The following PARVB variants were observed in gnomAD, a reference collection of about 807,000 sequenced individuals.
PARVB encodes the protein parvin beta, also known as beta-parvin.
Under a neutral mutation model 47.0 loss-of-function variants are expected in PARVB, and 46 were observed. The observed-to-expected ratio is 0.98, with a 90% CI of 0.77 to 1.25. The LOEUF (loss-of-function observed/expected upper bound fraction) is 1.25, where lower values mean the gene tolerates loss of function less well. Ranked by LOEUF, PARVB falls within the 50% of genes most tolerant of loss-of-function variation. The pLI, the probability that PARVB is intolerant of heterozygous loss-of-function variation, is 0.00. For synonymous variants in PARVB, 196 were observed against 196.3 expected (o/e 1.00, Z 0.01); for missense variants, 473 against 471.6 (o/e 1.00, Z -0.03).
chr22:44,087,846 G>GTTTTTTTTTTTTTTTTTTTTTT (rs57893038), intron 1 of PARVB, among the ~76,000 whole-genome samples: 19 of 121,274 alleles, frequency 1.6e-4, no homozygotes, highest in Non-Finnish European at 2.0e-4. Flanking sequence ...GAACGATGGT[G>GTTTTTTTTTTTTTTTTTTTTTT]TTTTTTTTTT....
intron 2 of PARVB, among the ~76,000 whole-genome samples, chr22:44,008,739 G>A (rs565989534): frequency 7.7e-4 from 117 of 151,976 alleles, no homozygotes; most frequent in African/African-American, 2.8e-3. Context: ...TAATCCCAGC[G>A]CTTTGAGAGG....
intron 1 of PARVB, among the ~76,000 whole-genome samples, chr22:44,075,506 AG>A (rs1296242371): frequency 6.6e-6 from 1 of 152,068 alleles, no homozygotes; most frequent in Non-Finnish European, 1.5e-5. Context: ...AGTTTCCATG[AG>A]GGGCCCCTCT....
At chr22:44,020,711 G>A (rs886392803), upstream of PARVB, among the ~76,000 whole-genome samples, 1 of 152,044 alleles carries the variant, frequency 6.6e-6, no homozygotes, top group Non-Finnish European at 1.5e-5. Context: ...AAGCTTCCTT[G>A]CCCTCCCCAG....
At chr22:44,026,685 A>T (rs144507251) in intron 1 of PARVB, among the ~76,000 whole-genome samples, 1 of 152,304 alleles carries the variant, frequency 6.6e-6, no homozygotes, top group African/African-American at 2.4e-5. Flanking sequence ...GTTGCCTACC[A>T]GGGAGTGACA....
chr22:44,153,787 T>C (rs1358069045), intron 10 of PARVB, among the ~76,000 whole-genome samples: 1 of 152,146 alleles, frequency 6.6e-6, no homozygotes, highest in Non-Finnish European at 1.5e-5. Flanking sequence ...TATCGGTCTG[T>C]CTATATTTTG....
At chr22:44,013,586 A>G (rs972928374) in intron 2 of PARVB, among the ~76,000 whole-genome samples, 1 of 152,202 alleles carries the variant, frequency 6.6e-6, no homozygotes, top group Non-Finnish European at 1.5e-5. Flanking sequence ...GCTCTTTTGC[A>G]TCTGTCTGGC....
chr22:44,030,374 G>A (rs951757501), intron 1 of PARVB, among the ~76,000 whole-genome samples: 1 of 152,240 alleles, frequency 6.6e-6, no homozygotes, highest in East Asian at 1.9e-4. Flanking sequence ...GCCCAGGGAG[G>A]GGGAGGGGGC....
intron 1 of PARVB, among the ~76,000 whole-genome samples, chr22:44,061,704 C>A (rs997611755): frequency 6.6e-5 from 10 of 151,814 alleles, no homozygotes; most frequent in Admixed American, 6.6e-4. Context: ...GCAACCTCTG[C>A]CTCCTGGGTT....
chr22:44,167,875 G>A (rs1387644147), intron 12 of PARVB: 7 of 152,456 alleles, frequency 4.6e-5, no homozygotes. Flanking sequence ...AGGCTGTGCA[G>A]GCTCTGATGA....
chr22:44,165,153 G>C (rs554636111), intron 12 of PARVB, among the ~76,000 whole-genome samples: 9 of 152,244 alleles, frequency 5.9e-5, no homozygotes, highest in African/African-American at 2.2e-4. Context: ...CACCATGCCC[G>C]GCTAATGTTT....
intron 3 of PARVB, among the ~76,000 whole-genome samples, chr22:44,116,897 C>T (rs556534014): frequency 2.0e-5 from 3 of 151,844 alleles, no homozygotes; most frequent in Non-Finnish European, 2.9e-5. Context: ...AGAACCCCAG[C>T]GAGGAGGCAG....
chr22:44,128,792 A>G (rs2053246444), intron 4 of PARVB, among the ~76,000 whole-genome samples: 1 of 152,158 alleles, frequency 6.6e-6, no homozygotes, highest in African/African-American at 2.4e-5. Context: ...TAGAGATAAT[A>G]ATAGGCTGGG....
chr22:44,171,783 C>A lies in PARVB; in HGVS notation c.*3105C>A, dbSNP rs775300763. 1 of 151,044 alleles carries A rather than the reference C, an allele frequency of 6.6e-6. No homozygotes were observed. The highest frequency in any genetic ancestry group is 1.5e-5 in the Non-Finnish European group (1 of 67,896). The allele number at this position is 151,044 out of a possible 1,614,324, so 9.4% of individuals were successfully genotyped here. A position where few individuals can be genotyped will look rare whatever the true frequency, so the allele number is the denominator to read the frequency against. On this transcript the variant is annotated 3_prime_UTR_variant, in exon 13 of 13. Transcript: ENST00000338758. The stretch of plus-strand genomic sequence containing the variant: ...GGCACTTGTGTTTCACAACAGGGAC[C>A]CTTAAAGGCGATGTTTCCAGCAAAG...
intron 12 of PARVB, chr22:44,168,021 A>G (rs1193023654): frequency 6.4e-6 from 1 of 156,312 alleles, no homozygotes; most frequent in Admixed American, 6.1e-5. Context: ...GGGTCATCCC[A>G]TGGCTGCTTT....
intron 1 of PARVB, among the ~76,000 whole-genome samples, chr22:44,045,258 T>G (rs2051094764): frequency 6.6e-6 from 1 of 152,018 alleles, no homozygotes; most frequent in South Asian, 2.1e-4. Context: ...TCTGTCTAAA[T>G]AAATAAATAA....
intron 8 of PARVB, chr22:44,140,689 G>T: frequency 2.1e-6 from 1 of 476,540 alleles, no homozygotes; most frequent in Non-Finnish European, 4.2e-6. Flanking sequence ...GAGTGTAAAA[G>T]GCTCTCCCCA....
intron 1 of PARVB, among the ~76,000 whole-genome samples, chr22:44,073,408 C>T (rs1485410668): frequency 6.6e-6 from 1 of 152,170 alleles, no homozygotes; most frequent in Non-Finnish European, 1.5e-5. Context: ...GCAGGAGAAT[C>T]ACTTGAACCC....
intron 1 of PARVB, among the ~76,000 whole-genome samples, chr22:44,035,532 G>C (rs951297241): frequency 6.6e-6 from 1 of 151,890 alleles, no homozygotes; most frequent in Non-Finnish European, 1.5e-5. Flanking sequence ...CACCGTGCCC[G>C]GCTGATTTTT....
intron 4 of PARVB, among the ~76,000 whole-genome samples, chr22:44,128,133 C>A (rs966050246): frequency 6.6e-6 from 1 of 152,208 alleles, no homozygotes; most frequent in Non-Finnish European, 1.5e-5. Flanking sequence ...GGGTTCTCTG[C>A]CACATGCCAG....
Sources: gnomAD v4.1 joint callset for allele counts (sites outside exome capture counted in the v4.1 genomes callset) on GRCh38, gnomAD v4.1.1 for gene constraint, MANE v1.5 for transcripts, NCBI Gene and HGNC (gene_info 2026-07-23, HGNC 2026-07-21) for gene names.